PHF14: variants seen among roughly 807,000 people sequenced by gnomAD.
PHF14 encodes PHD finger protein 14.
Under a neutral mutation model 117.9 loss-of-function variants are expected in PHF14, and 55 were observed. The observed-to-expected ratio is 0.47, with a 90% confidence interval of 0.38 to 0.58. The LOEUF is 0.58. PHF14 is among the 20% of genes least tolerant of loss of function. The probability of loss-of-function intolerance (pLI) is 0.00; values close to 1 mark genes in which losing one functional copy is unlikely to be tolerated. For missense variants in PHF14, 978 were observed against 1,122.2 expected (o/e 0.87, Z 1.84); for synonymous variants, 409 against 368.6 (o/e 1.11, Z -1.26).
chr7:11,098,913 A>G (rs10253250), intron 16 of PHF14, among the ~76,000 whole-genome samples: 3,124 of 152,306 alleles, frequency 0.021, 101 homozygotes, highest in African/African-American at 0.071. Flanking sequence ...TAGACTTAAA[A>G]TGATGCTTCA....
Position 11,129,553 on chromosome 7 carries a change from T to TC in PHF14, c.2772+18086_2772+18087insC, listed in dbSNP as rs1235188713. 9.1e-3 allele frequency among the ~76,000 whole-genome samples: 1,365 copies of TC among 150,508 alleles called. 31 individuals are homozygous for TC. Among genetic ancestry groups the TC allele is most frequent in the African/African-American group, 0.032 (1,317 of 41,264 alleles). Reference sequence around the variant, plus strand: ...CCTATTTTGTGTGTATGTTTCTTTTTTTTTTTTTTTTTGCCTTTACATAAA... The same window carrying TC: ...CCTATTTTGTGTGTATGTTTCTTTTTCTTTTTTTTTTTTGCCTTTACATAAA... On this transcript the variant is annotated intron_variant, in intron 17 of 17. Transcript: ENST00000634607.
At chr7:11,027,304 AATTAT>A (rs139900658) in intron 6 of PHF14, among the ~76,000 whole-genome samples, 1,786 of 152,192 alleles carry the variant, frequency 0.012, 37 homozygotes, top group African/African-American at 0.041. Context: ...TTATTAGAGA[AATTAT>A]ATTAACTAGG....
chr7:11,086,736 C>T lies in PHF14; in HGVS notation c.2655-24614C>T, dbSNP rs550416153. 2.6e-5 allele frequency among the ~76,000 whole-genome samples: 4 copies of T among 152,086 alleles called. No individual in the cohort carries two copies. In the East Asian group the frequency reaches 7.7e-4, roughly 29 times the overall value. The stretch of plus-strand genomic sequence containing the variant: ...GGCTTAGTTATGTTATTTTTATATA[C>T]AAAACATTGAAATTTTGGTTAGATT... On this transcript the variant is annotated intron_variant, in intron 16 of 17. Transcript: ENST00000634607.
chr7:11,140,086 C>T (rs1788355176), intron 17 of PHF14, among the ~76,000 whole-genome samples: 1 of 152,056 alleles, frequency 6.6e-6, no homozygotes, highest in Non-Finnish European at 1.5e-5. Flanking sequence ...CTACATACAC[C>T]TCTATACACA....
chr7:11,105,909 G>A (rs1040914921), intron 16 of PHF14: 2 of 979,314 alleles, frequency 2.0e-6, no homozygotes, highest in African/African-American at 1.7e-5. Context: ...ATTGATTAGA[G>A]CATAATTAGT....
At chr7:11,094,758 A>G (rs960946123) in intron 16 of PHF14, among the ~76,000 whole-genome samples, 3 of 152,082 alleles carry the variant, frequency 2.0e-5, no homozygotes, top group African/African-American at 7.2e-5. Flanking sequence ...ATTCTTACTC[A>G]TGTAGTGTTG....
chr7:11,086,280 C>T (rs960990205), intron 16 of PHF14, among the ~76,000 whole-genome samples: 2 of 152,168 alleles, frequency 1.3e-5, no homozygotes, highest in Non-Finnish European at 2.9e-5. Flanking sequence ...TTATAAGGCC[C>T]TCCAAACCCA....
chr7:11,157,317 T>G (rs1788892819), intron 17 of PHF14, among the ~76,000 whole-genome samples: 1 of 151,874 alleles, frequency 6.6e-6, no homozygotes, highest in African/African-American at 2.4e-5. Flanking sequence ...GTCAAAGGAC[T>G]AAATGTATTC....
intron 16 of PHF14, among the ~76,000 whole-genome samples, chr7:11,081,819 A>G (rs1417479430): frequency 6.6e-6 from 1 of 151,702 alleles, no homozygotes; most frequent in African/African-American, 2.4e-5. Context: ...TCGCGCCACC[A>G]CACTCCAGCC....
At chr7:11,153,331 C>T (rs1403465109) in intron 17 of PHF14, among the ~76,000 whole-genome samples, 1 of 151,914 alleles carries the variant, frequency 6.6e-6, no homozygotes, top group Non-Finnish European at 1.5e-5. Context: ...AAGGAATGAC[C>T]CCTAGAGTTT....
intron 3 of PHF14, among the ~76,000 whole-genome samples, chr7:10,984,716 G>A (rs569941715): frequency 6.6e-6 from 1 of 152,120 alleles, no homozygotes; most frequent in African/African-American, 2.4e-5. Context: ...AATTTGCCAC[G>A]TAAAGTGTGT....
intron 16 of PHF14, among the ~76,000 whole-genome samples, chr7:11,099,509 T>G (rs186173263): frequency 4.6e-5 from 7 of 152,180 alleles, no homozygotes; most frequent in Admixed American, 4.6e-4. Flanking sequence ...CCTACAGCAG[T>G]GAAATAGTTC....
intron 5 of PHF14, chr7:11,014,865 A>G (rs560596713): frequency 6.6e-6 from 1 of 151,046 alleles, no homozygotes; most frequent in East Asian, 1.9e-4. Flanking sequence ...ACTTGTCATC[A>G]TAACGGTGTT....
chr7:11,077,299 GA>G (rs112993406), intron 16 of PHF14, among the ~76,000 whole-genome samples: 97 of 143,094 alleles, frequency 6.8e-4, no homozygotes, highest in African/African-American at 1.1e-3. Context: ...GTAGTGCAAA[GA>G]AAAAAAAAAA....
At chr7:11,167,727 T>C (rs1789241186) in intron 17 of PHF14, among the ~76,000 whole-genome samples, 1 of 152,164 alleles carries the variant, frequency 6.6e-6, no homozygotes, top group African/African-American at 2.4e-5. Context: ...TATTATAATG[T>C]AGTTAAAATG....
chr7:11,137,590 CTTTTTTTTTT>C (rs5882293), intron 17 of PHF14, among the ~76,000 whole-genome samples: 1 of 93,966 alleles, frequency 1.1e-5, no homozygotes, highest in Non-Finnish European at 2.0e-5. Context: ...CTTAAAAATT[CTTTTTTTTTT>C]TTTTTTTTTT....
intron 16 of PHF14, chr7:11,107,507 C>T (rs1457600543): frequency 1.1e-6 from 1 of 875,638 alleles, no homozygotes; most frequent in Non-Finnish European, 1.4e-6. Context: ...ATTGGGATTC[C>T]TTTATGCTCT....
At chr7:11,099,659 C>G (rs1278098663) in intron 16 of PHF14, among the ~76,000 whole-genome samples, 2 of 152,086 alleles carry the variant, frequency 1.3e-5, no homozygotes, top group South Asian at 2.1e-4. Flanking sequence ...GACTGAGACT[C>G]TTACCACAGT....
rs377515269 is a variant in PHF14, at chr7:11,120,151, A to T, written c.2772+8684A>T. 2.6e-5 allele frequency among the ~76,000 whole-genome samples: 4 copies of T among 152,112 alleles called. No individual in the cohort carries two copies. The East Asian group carries it at 5.8e-4, about 22-fold the overall frequency. The stretch of plus-strand genomic sequence containing the variant: ...ATTTAAATTATATAGAAAGTTAAGT[A>T]TGCAATTTGGTGTAGATGAAAGTGT... On this transcript the variant is annotated intron_variant, in intron 17 of 17. Transcript: ENST00000634607.
Sources: gnomAD v4.1 joint callset for allele counts (sites outside exome capture counted in the v4.1 genomes callset) on GRCh38, gnomAD v4.1.1 for gene constraint, MANE v1.5 for transcripts, NCBI Gene and HGNC (gene_info 2026-07-23, HGNC 2026-07-21) for gene names.